The following ZNF385D variants were observed in gnomAD, a reference collection of about 807,000 sequenced individuals.
ZNF385D encodes zinc finger protein 385D.
In ZNF385D, 15 loss-of-function variants were observed where a neutral mutation model predicts 35.8. The observed-to-expected ratio is 0.42, with a 90% CI of 0.28 to 0.64. The LOEUF (loss-of-function observed/expected upper bound fraction) is 0.64. Ranked by LOEUF, ZNF385D falls within the 30% of genes least tolerant of loss-of-function variation. The probability of loss-of-function intolerance (pLI) is 0.23; values close to 1 mark genes in which losing one functional copy is unlikely to be tolerated. For synonymous variants in ZNF385D, 212 were observed against 186.8 expected (o/e 1.13, Z -1.10); for missense variants, 474 against 494.6 (o/e 0.96, Z 0.39).
At chr3:22,006,034 A>C (rs1449116592) in intron 3 of ZNF385D, among the ~76,000 whole-genome samples, 2 of 152,112 alleles carry the variant, frequency 1.3e-5, no homozygotes, top group African/African-American at 4.8e-5. Context: ...ATGTAAAAAG[A>C]AAGAATAGCA....
intron 2 of ZNF385D, among the ~76,000 whole-genome samples, chr3:22,260,737 T>G (rs1700584653): frequency 6.6e-6 from 1 of 151,988 alleles, no homozygotes; most frequent in African/African-American, 2.4e-5. Flanking sequence ...AATATAAAAA[T>G]GCTAATTCAA....
intron 3 of ZNF385D, among the ~76,000 whole-genome samples, chr3:21,857,945 G>T (rs1348436255): frequency 6.6e-6 from 1 of 151,822 alleles, no homozygotes; most frequent in Non-Finnish European, 1.5e-5. Context: ...AGGAATCCTA[G>T]AAATGCAATC....
intron 2 of ZNF385D, among the ~76,000 whole-genome samples, chr3:22,348,053 C>T (rs778253818): frequency 1.4e-4 from 22 of 152,194 alleles, no homozygotes; most frequent in Admixed American, 3.3e-4. Flanking sequence ...CTAAGGTCTA[C>T]GCTTAGAATA....
At chr3:22,128,130 T>G (rs2222718) in intron 3 of ZNF385D, among the ~76,000 whole-genome samples, 3,506 of 152,326 alleles carry the variant, frequency 0.023, 144 homozygotes, top group African/African-American at 0.081. Context: ...TCCTTAATCT[T>G]TGAAATATAT....
intron 2 of ZNF385D, among the ~76,000 whole-genome samples, chr3:21,630,096 G>T (rs1172787646): frequency 2.0e-5 from 3 of 151,832 alleles, no homozygotes; most frequent in African/African-American, 7.3e-5. Context: ...AAATTAAGAT[G>T]ATAAAATTTA....
chr3:22,121,316 T>C (rs1042259298), intron 3 of ZNF385D, among the ~76,000 whole-genome samples: 1 of 152,178 alleles, frequency 6.6e-6, no homozygotes, highest in Non-Finnish European at 1.5e-5. Context: ...CCGTTTCCCT[T>C]CATTTCCTAT....
In ZNF385D at chr3:21,721,814, T is replaced by C. The variant is rs77105356; in HGVS notation, c.22+29081A>G. Among the ~76,000 whole-genome samples, 249 of 152,260 alleles carry C rather than the reference T, an allele frequency of 1.6e-3. 5 individuals are homozygous for C. In the East Asian group the frequency reaches 0.039, roughly 24 times the overall value. ...ACAGTATCCTATCTTAAAGAGATAT[T>C]TGTGGCCAGGCGCGGTGGCTCACGC... On this transcript the variant is annotated intron_variant, in intron 1 of 7. Transcript: ENST00000281523.
At chr3:22,161,790 AAT>A (rs1170229832) in intron 3 of ZNF385D, among the ~76,000 whole-genome samples, 1 of 152,198 alleles carries the variant, frequency 6.6e-6, no homozygotes, top group Non-Finnish European at 1.5e-5. Context: ...TTGCTGTAAT[AAT>A]ATAAGTGATT....
At chr3:21,914,053 C>T (rs975719995) in intron 3 of ZNF385D, among the ~76,000 whole-genome samples, 3 of 152,018 alleles carry the variant, frequency 2.0e-5, no homozygotes, top group African/African-American at 7.2e-5. Context: ...TAATAAAATC[C>T]TCTTCCTCTG....
chr3:22,167,505 T>A (rs184637778), intron 3 of ZNF385D, among the ~76,000 whole-genome samples: 8 of 152,252 alleles, frequency 5.3e-5, no homozygotes, highest in Non-Finnish European at 1.2e-4. Flanking sequence ...ATATCCTCAT[T>A]CTTCTTAGAC....
chr3:22,026,328 T>G (rs188938037), intron 3 of ZNF385D, among the ~76,000 whole-genome samples: 5 of 152,244 alleles, frequency 3.3e-5, no homozygotes, highest in Admixed American at 2.0e-4. Context: ...CCCCCTACAT[T>G]ACCGACAATT....
Position 22,045,825 on chromosome 3 carries a change from G to A in ZNF385D, c.325+122992C>T, listed in dbSNP as rs191143362. On this transcript the variant is annotated intron_variant, in intron 3 of 5. Transcript: ENST00000494108. ...GGCGATTTCTATAAGGCTACCTGGG[G>A]CCCCAGCTGCCCTTGAGAAGTAAAA... Among the ~76,000 whole-genome samples the A allele has an allele frequency of 1.8e-4, 28 of 152,056 alleles. No individual in the cohort carries two copies. In the East Asian group the frequency reaches 5.4e-3, roughly 29 times the overall value.
At chr3:21,929,627 A>G (rs1015322896) in intron 3 of ZNF385D, among the ~76,000 whole-genome samples, 6 of 152,142 alleles carry the variant, frequency 3.9e-5, no homozygotes, top group Admixed American at 2.6e-4. Context: ...AATGATCAAC[A>G]TATAAAAAAT....
intron 2 of ZNF385D, among the ~76,000 whole-genome samples, chr3:22,288,500 T>G (rs964732438): frequency 1.3e-5 from 2 of 152,072 alleles, no homozygotes; most frequent in Non-Finnish European, 2.9e-5. Context: ...TGATGCCTTT[T>G]TTGCTTAATC....
intron 3 of ZNF385D, among the ~76,000 whole-genome samples, chr3:22,044,664 T>A (rs1287641548): frequency 6.6e-6 from 1 of 152,078 alleles, no homozygotes; most frequent in African/African-American, 2.4e-5. Context: ...GGGCACAGAT[T>A]TATCCTTTGC....
intron 2 of ZNF385D, among the ~76,000 whole-genome samples, chr3:22,239,416 A>C (rs35177688): frequency 0.17 from 26,233 of 150,784 alleles, 2,959 homozygotes; most frequent in African/African-American, 0.19. Context: ...CCTAAGCCAA[A>C]ATCTGAAATA....
chr3:21,775,457 A>G (rs2071248379), intron 3 of ZNF385D, among the ~76,000 whole-genome samples: 3 of 151,890 alleles, frequency 2.0e-5, no homozygotes, highest in African/African-American at 7.2e-5. Flanking sequence ...AGGGCTTGGA[A>G]AGTACTGCTT....
intron 4 of ZNF385D, chr3:21,441,775 G>A (rs141305365): frequency 1.4e-5 from 14 of 978,550 alleles, no homozygotes; most frequent in Admixed American, 6.2e-5. Flanking sequence ...AAAACGATTC[G>A]CTTTTCTTAC....
At chr3:21,697,837 A>G (rs961801356) in intron 1 of ZNF385D, among the ~76,000 whole-genome samples, 1 of 152,212 alleles carries the variant, frequency 6.6e-6, no homozygotes, top group Non-Finnish European at 1.5e-5. Context: ...ACCTGAAAAC[A>G]TATGAAAAAA....
Sources: allele counts gnomAD v4.1 joint callset (sites outside exome capture counted in the v4.1 genomes callset), GRCh38; gene constraint gnomAD v4.1.1; transcripts MANE v1.5; gene names NCBI Gene and HGNC (gene_info 2026-07-23, HGNC 2026-07-21).